Variants in PRIM1 observed in about 807,000 individuals in gnomAD.
The protein encoded by PRIM1 is DNA primase small subunit.
A neutral mutation model predicts 60.2 loss-of-function variants in PRIM1; 38 were observed. That is an observed-to-expected ratio of 0.63 (90% CI 0.49 to 0.83). PRIM1 has a LOEUF of 0.83. Ranked by LOEUF, PRIM1 falls within the 40% of genes least tolerant of loss-of-function variation. The pLI, the probability that PRIM1 is intolerant of heterozygous loss-of-function variation, is 0.00. For missense variants in PRIM1, 388 were observed against 506.2 expected (o/e 0.77, Z 2.24); for synonymous variants, 158 against 160.2 (o/e 0.99, Z 0.10).
chr12:56,746,870 C>T lies in PRIM1; in HGVS notation c.369-16G>A, dbSNP rs1953912071. The T allele has an allele frequency of 6.2e-7, 1 of 1,613,694 alleles. No individual in the cohort carries two copies. The highest frequency in any genetic ancestry group is 1.3e-5 in the African/African-American group (1 of 75,036). On this transcript the variant is annotated splice_polypyrimidine_tract_variant and intron_variant, in intron 3 of 12. Coordinates refer to ENST00000338193, the MANE Select transcript of PRIM1 (RefSeq NM_000946.3). ...GTCTGCAGAACTAAAGCAGAGTCAT[C>T]ATTACTCATTGTCAGTGATACCACC...
chr12:56,749,590 C>T (rs993190047), intron 2 of PRIM1, among the ~76,000 whole-genome samples: 1 of 152,050 alleles, frequency 6.6e-6, no homozygotes, highest in Admixed American at 6.6e-5. Flanking sequence ...TTCTGCCTGC[C>T]TTTTATTACC....
intron 4 of PRIM1, among the ~76,000 whole-genome samples, chr12:56,746,561 G>T (rs896138782): frequency 7.1e-4 from 107 of 150,014 alleles, no homozygotes; most frequent in African/African-American, 2.5e-3. Flanking sequence ...AACCCAGGAG[G>T]CAGAGGTTGC....
At chr12:56,741,175 T>C (rs1953870079) in intron 9 of PRIM1, among the ~76,000 whole-genome samples, 1 of 152,104 alleles carries the variant, frequency 6.6e-6, no homozygotes, top group Non-Finnish European at 1.5e-5. Context: ...TTTTCTCATC[T>C]GTACAATGAG....
chr12:56,747,479 C>T (rs1020639157), intron 2 of PRIM1, among the ~76,000 whole-genome samples: 2 of 152,204 alleles, frequency 1.3e-5, no homozygotes, highest in South Asian at 2.1e-4. Flanking sequence ...GGCACAGTGG[C>T]TCATGCCTGT....
chr12:56,746,832 A>G lies in PRIM1; in HGVS notation c.391T>C (p.Cys131Arg). ...ATGGCCATTGTCATGAGGGTCCAGCACTTAGGACATATGTCTGCAGAACTA... is the reference window on the plus strand; with the variant it reads ...ATGGCCATTGTCATGAGGGTCCAGCGCTTAGGACATATGTCTGCAGAACTA... ...CCSSADICPK[C>R]WTLMTMAIRI... Residue 131 changes from cysteine (C) to arginine (R), a missense_variant, in exon 4 of 13, where the codon TGC (cysteine) becomes CGC (arginine). Physicochemically the swap from Cys to Arg is radical, Grantham distance 180. Around this residue, in one of 3 missense-constraint regions of PRIM1, gnomAD observed 156 missense variants for 175.8 expected, o/e 0.89. Coordinates refer to ENST00000338193, the MANE Select transcript of PRIM1 (RefSeq NM_000946.3). The G allele has an allele frequency of 6.2e-7, 1 of 1,613,964 alleles. No individual in the cohort carries two copies. The highest frequency in any genetic ancestry group is 1.1e-5 in the South Asian group (1 of 91,070).
intron 11 of PRIM1, among the ~76,000 whole-genome samples, chr12:56,734,507 T>G (rs962407161): frequency 6.6e-6 from 1 of 151,854 alleles, no homozygotes; most frequent in South Asian, 2.1e-4. Context: ...TCAAGGGATC[T>G]TCCCATCTCT....
chr12:56,741,668 T>A (rs540245510), intron 8 of PRIM1, 78 bp downstream of exon 8: 1 of 1,583,862 alleles, frequency 6.3e-7, no homozygotes, highest in Non-Finnish European at 8.6e-7. Flanking sequence ...CAACCATCTT[T>A]AACTGACTAG....
intron 4 of PRIM1, among the ~76,000 whole-genome samples, chr12:56,746,547 C>T (rs1427538607): frequency 1.3e-5 from 2 of 151,814 alleles, no homozygotes; most frequent in Admixed American, 1.3e-4. Context: ...AGGAGAATCA[C>T]TTGAACCCAG....
At chr12:56,744,612 C>T (rs1953894181) in intron 5 of PRIM1, among the ~76,000 whole-genome samples, 1 of 152,054 alleles carries the variant, frequency 6.6e-6, no homozygotes, top group African/African-American at 2.4e-5. Context: ...TTACAATTGC[C>T]TACAGTATTG....
At chr12:56,739,850 A>C (rs1240940910) in intron 9 of PRIM1, among the ~76,000 whole-genome samples, 1 of 152,076 alleles carries the variant, frequency 6.6e-6, no homozygotes, top group Non-Finnish European at 1.5e-5. Context: ...TTTCTCTTTA[A>C]AAAACCAGCC....
intron 12 of PRIM1, among the ~76,000 whole-genome samples, chr12:56,732,858 A>AT (rs796125586): frequency 2.7e-3 from 385 of 145,088 alleles, no homozygotes; most frequent in African/African-American, 7.2e-3. Context: ...GGGATTAGAA[A>AT]TTTTTTTTTT....
At position 56,739,349 on chromosome 12, in the gene PRIM1, G is replaced by A. The variant is rs1953855764; in HGVS notation, c.997C>T (p.Pro333Ser). 1 of 1,577,970 alleles carries A rather than the reference G, an allele frequency of 6.3e-7. No homozygotes were observed. Among genetic ancestry groups the A allele is most frequent in the Admixed American group, 1.7e-5 (1 of 57,572 alleles). Residue 333 changes from proline (P) to serine (S), a missense_variant, in exon 10 of 13, where the codon CCT becomes TCT. This residue lies in a region of PRIM1 where 211 missense variants were observed against 277.9 expected (regional missense o/e 0.76). Coordinates refer to ENST00000338193, the MANE Select transcript of PRIM1 (RefSeq NM_000946.3). ...VHPKTGRISVPIDLQKVDQFD... is the reference protein window; with the variant it reads ...VHPKTGRISVSIDLQKVDQFD... ...TGGTCCACTTTCTGCAAATCAATAG[G>A]CACAGATATGCGACCTGTAAGACAC... is the stretch of plus-strand genomic sequence containing the variant.
At chr12:56,750,972 G>T in intron 2 of PRIM1, 66 bp downstream of exon 2, 1 of 1,112,122 alleles carries the variant, frequency 9.0e-7, no homozygotes, top group Non-Finnish European at 1.2e-6. Context: ...CAAAACGCAA[G>T]AGGAATCAAC....
chr12:56,748,770 A>G (rs1347891541), intron 2 of PRIM1, among the ~76,000 whole-genome samples: 1 of 152,052 alleles, frequency 6.6e-6, no homozygotes, highest in Non-Finnish European at 1.5e-5. Flanking sequence ...AGCCTGGCCA[A>G]CATGGCAAAA....
intron 1 of PRIM1, 76 bp from the exon 2 acceptor site, chr12:56,751,271 G>A (rs1405109675): frequency 8.7e-7 from 1 of 1,149,184 alleles, no homozygotes; most frequent in Admixed American, 3.5e-5. Context: ...TAGCCAATGA[G>A]AAGTTTTTTT....
intron 6 of PRIM1, 99 bp downstream of exon 6, chr12:56,743,964 TAA>T (rs1240245590): frequency 1.3e-6 from 1 of 778,898 alleles, no homozygotes; most frequent in East Asian, 2.7e-5. Context: ...ATTATTATTA[TAA>T]AATGCTACCC....
intron 5 of PRIM1, among the ~76,000 whole-genome samples, chr12:56,744,996 A>G (rs1411472372): frequency 2.0e-5 from 3 of 151,854 alleles, no homozygotes; most frequent in Non-Finnish European, 1.5e-5. Flanking sequence ...AATCCCAGCT[A>G]CTTGGGAGGC....
chr12:56,745,938 C>CAAA, intron 5 of PRIM1, 107 bp downstream of exon 5: 53 of 935,508 alleles, frequency 5.7e-5, no homozygotes, highest in Middle Eastern at 7.4e-4. Context: ...GAGTCCATCT[C>CAAA]AAAAAAAAAA....
chr12:56,749,170 G>A (rs555883787), intron 2 of PRIM1, among the ~76,000 whole-genome samples: 11 of 152,106 alleles, frequency 7.2e-5, no homozygotes, highest in East Asian at 3.9e-4. Flanking sequence ...CACCGTGCCC[G>A]GCTGTTTTTG....
Sources: allele counts gnomAD v4.1 joint callset (sites outside exome capture counted in the v4.1 genomes callset), GRCh38; gene constraint gnomAD v4.1.1; regional missense constraint gnomAD v4.1.1; transcripts MANE v1.5; gene names NCBI Gene and HGNC (gene_info 2026-07-23, HGNC 2026-07-21).